Variants in PCDHGB3 observed in about 807,000 individuals in gnomAD.
PCDHGB3 encodes the protein protocadherin gamma subfamily B, 3, also known as protocadherin gamma-B3.
PCDHGB3 carries 40 observed loss-of-function variants against 59.2 expected under a neutral mutation model. The observed-to-expected ratio is 0.68, with a 90% confidence interval of 0.52 to 0.88. PCDHGB3 has a LOEUF of 0.88. Among genes scored for constraint, PCDHGB3 ranks in the 40% least tolerant of loss-of-function variants. PCDHGB3 has a pLI of 0.00. For synonymous variants in PCDHGB3, 581 were observed against 503.6 expected, an observed-to-expected ratio of 1.15 and a Z score of -2.06; for missense variants, 1,309 against 1,187.9, an observed-to-expected ratio of 1.10 and a Z score of -1.50.
intron 1 of PCDHGB3, chr5:141,378,729 T>C (rs769149282): frequency 1.1e-4 from 17 of 152,216 alleles, no homozygotes; most frequent in African/African-American, 3.4e-4. Flanking sequence ...GAACTCTTTA[T>C]TGAAATATTT....
chr5:141,414,124 G>C, intron 1 of PCDHGB3: 1 of 1,592,872 alleles, frequency 6.3e-7, no homozygotes, highest in Non-Finnish European at 8.6e-7. Context: ...TGAAGAAACC[G>C]GTTTCTATGA....
At chr5:141,404,326 A>G in intron 1 of PCDHGB3, 2 of 1,613,904 alleles carry the variant, frequency 1.2e-6, no homozygotes, top group Non-Finnish European at 1.7e-6. Context: ...CCTCCTACTC[A>G]GTCTACCTCC....
Position 141,370,950 on chromosome 5 carries a change from C to A in PCDHGB3, c.556C>A (p.Leu186Met). Residue 186 changes from leucine to methionine, a missense_variant, in exon 1 of 4, where the codon CTG becomes ATG. Coordinates refer to ENST00000576222, the MANE Select transcript of PCDHGB3 (RefSeq NM_018924.5). ...CTTCTCTTTGATTCAGAAGGAGAAC[C>A]TGGATGGCAGTAGGTACCCAGAGCT... ...PHFSLIQKEN[L>M]DGSRYPELVL... 1 of 1,614,002 alleles carries A rather than the reference C, an allele frequency of 6.2e-7. No homozygotes were observed. The highest frequency in any genetic ancestry group is 1.1e-5 in the South Asian group (1 of 91,088).
intron 1 of PCDHGB3, chr5:141,399,613 G>A: frequency 6.2e-7 from 1 of 1,613,928 alleles, no homozygotes; most frequent in Non-Finnish European, 8.5e-7. Context: ...AGAGCCTCTG[G>A]CACTGGCCTC....
chr5:141,374,893 TGAA>T, intron 1 of PCDHGB3: 1 of 1,613,834 alleles, frequency 6.2e-7, no homozygotes, highest in Non-Finnish European at 8.5e-7. Context: ...CCGACCAGGA[TGAA>T]GGAGTCCACG....
At chr5:141,382,969 T>G in intron 1 of PCDHGB3, 2 of 1,609,418 alleles carry the variant, frequency 1.2e-6, no homozygotes, top group Non-Finnish European at 8.5e-7. Context: ...GGGGACCCCC[T>G]GGGAAGCCTG....
In PCDHGB3 at chr5:141,489,493, G is replaced by C. The variant is rs1485293604; in HGVS notation, c.2416-5314G>C. 3 of 1,614,078 alleles carry C rather than the reference G, an allele frequency of 1.9e-6. No homozygotes were observed. The South Asian group carries it at 3.3e-5, about 18-fold the overall frequency. On this transcript the variant is annotated intron_variant, in intron 1 of 3. Coordinates refer to ENST00000576222, the MANE Select transcript of PCDHGB3 (RefSeq NM_018924.5). This position sits in a 1 kb window ranked among gnomAD's most constrained non-coding sequence, Gnocchi z 4.5. Reference sequence around the variant, plus strand: ...CCTGAGCTTGATGAGTGGTGCCCTGGCAGTGAATCAAAAGATTGACCGAGA... The same window carrying C: ...CCTGAGCTTGATGAGTGGTGCCCTGCCAGTGAATCAAAAGATTGACCGAGA...
chr5:141,477,162 C>A lies in PCDHGB3; in HGVS notation c.2416-17645C>A, dbSNP rs147392557. ...GAGGTTGTGGATGTGAATGACAACG[C>A]CCCGGAGATCACAGTCACCTCCGTG... On this transcript the variant is annotated intron_variant, in intron 1 of 3. Transcript: ENST00000576222. This position sits in a 1 kb window ranked among gnomAD's most constrained non-coding sequence, Gnocchi z 4.9. 3.5e-5 allele frequency: 57 copies of A among 1,614,162 alleles called. No homozygotes were observed. The Middle Eastern group carries it at 9.9e-4, about 28-fold the overall frequency.
At chr5:141,398,730 C>T (rs200411955) in intron 1 of PCDHGB3, 568 of 1,613,656 alleles carry the variant, frequency 3.5e-4, no homozygotes, top group Non-Finnish European at 4.6e-4. Context: ...AAACCTTAGA[C>T]CGGGAACAAC....
intron 1 of PCDHGB3, chr5:141,399,104 A>G (rs561995889): frequency 6.2e-7 from 1 of 1,613,860 alleles, no homozygotes; most frequent in South Asian, 1.1e-5. Context: ...CTGGTTGCAC[A>G]ATGTACAGTT....
intron 1 of PCDHGB3, chr5:141,405,545 A>G (rs952875482): frequency 1.6e-6 from 1 of 631,162 alleles, no homozygotes; most frequent in South Asian, 2.0e-5. Flanking sequence ...TCAGCCTCCC[A>G]AGTAGAGTAG....
chr5:141,414,263 A>G, intron 1 of PCDHGB3: 1 of 1,613,500 alleles, frequency 6.2e-7, no homozygotes, highest in Non-Finnish European at 8.5e-7. Flanking sequence ...GTGACTGAAG[A>G]TTCACCTCTG....
rs1163950013 is a variant in PCDHGB3 at position 141,512,955 on chromosome 5, A to G, written c.*1782A>G. 2 of 152,234 alleles carry G rather than the reference A, an allele frequency of 1.3e-5. No homozygotes were observed. The highest frequency in any genetic ancestry group is 2.9e-5 in the Non-Finnish European group (2 of 68,046). The allele number at this position is 152,234 out of a possible 1,614,324, so 9.4% of individuals were successfully genotyped here. ...GCTTTTTTTCTTCGACAAAAAAATA[A>G]TAAAACGTTTCTTCTGAAAAGCTGA... On this transcript the variant is annotated 3_prime_UTR_variant, in exon 4 of 4. Coordinates refer to ENST00000576222, the MANE Select transcript of PCDHGB3 (RefSeq NM_018924.5).
At chr5:141,421,303 G>C in intron 1 of PCDHGB3, 1 of 1,613,660 alleles carries the variant, frequency 6.2e-7, no homozygotes, top group Non-Finnish European at 8.5e-7. Context: ...GACGCTGCGG[G>C]GGTTCCGGGC....
At chr5:141,453,586 C>T (rs1409763264) in intron 1 of PCDHGB3, among the ~76,000 whole-genome samples, 1 of 152,204 alleles carries the variant, frequency 6.6e-6, no homozygotes, top group Non-Finnish European at 1.5e-5. Context: ...GGTTTATCCT[C>T]ACTGTGTTTC....
Position 141,399,399 on chromosome 5 carries a change from C to T in PCDHGB3, c.2415+26590C>T, listed in dbSNP as rs1282174658. 1.9e-6 allele frequency: 3 copies of T among 1,613,902 alleles called. No individual in the cohort carries two copies. The Admixed American group carries it at 5.0e-5, about 27-fold the overall frequency. The stretch of plus-strand genomic sequence containing the variant: ...TCACCATCACAGCCACAGACAGGGG[C>T]AAGCCGCCCCTCTCCTCCAGCATAA... On this transcript the variant is annotated intron_variant, in intron 1 of 3. Transcript: ENST00000576222.
intron 1 of PCDHGB3, among the ~76,000 whole-genome samples, chr5:141,482,981 A>T (rs1377809325): frequency 6.7e-6 from 1 of 150,250 alleles, no homozygotes; most frequent in Admixed American, 6.6e-5. Flanking sequence ...GCTACTTGAG[A>T]GGTCGAGGCA....
intron 1 of PCDHGB3, chr5:141,414,787 G>T (rs372484037): frequency 6.2e-7 from 1 of 1,614,230 alleles, no homozygotes; most frequent in Admixed American, 1.7e-5. Context: ...GCAGGTGACA[G>T]CCAGCGACAG....
chr5:141,469,410 A>G (rs2099200490), intron 1 of PCDHGB3, among the ~76,000 whole-genome samples: 1 of 152,128 alleles, frequency 6.6e-6, no homozygotes, highest in Non-Finnish European at 1.5e-5. Context: ...CCCCGTTTCT[A>G]CTAAAAATAT....
Sources: gnomAD v4.1 joint callset for allele counts (sites outside exome capture counted in the v4.1 genomes callset) on GRCh38, gnomAD v4.1.1 for gene constraint, Gnocchi (gnomAD v3.1) non-coding constraint, MANE v1.5 for transcripts, NCBI Gene and HGNC (gene_info 2026-07-23, HGNC 2026-07-21) for gene names.